DHX34: variants seen among roughly 807,000 people sequenced by gnomAD.
DHX34 encodes probable ATP-dependent RNA helicase DHX34.
A neutral mutation model predicts 111.1 loss-of-function variants in DHX34; 96 were observed. The observed-to-expected ratio is 0.86, with a 90% confidence interval of 0.73 to 1.02. DHX34 has a LOEUF of 1.02. DHX34 is among the 50% of genes least tolerant of loss of function. The pLI is 0.00. For missense variants in DHX34, 1,560 were observed against 1,579.9 expected (o/e 0.99, Z 0.21); for synonymous variants, 688 against 670.4 (o/e 1.03, Z -0.41).
intron 7 of DHX34, among the ~76,000 whole-genome samples, chr19:47,372,070 AC>A (rs1243232665): frequency 3.3e-5 from 5 of 149,860 alleles, no homozygotes; most frequent in African/African-American, 1.2e-4. Context: ...AGACTCGGCC[AC>A]CCTGGGAGAC....
chr19:47,351,322 G>A (rs900177755), intron 1 of DHX34, among the ~76,000 whole-genome samples: 5 of 151,392 alleles, frequency 3.3e-5, no homozygotes, highest in Admixed American at 1.3e-4. Flanking sequence ...GGGACTACCC[G>A]AGTAGCCAGG....
intron 9 of DHX34, among the ~76,000 whole-genome samples, chr19:47,374,032 C>G (rs1970055382): frequency 6.6e-6 from 1 of 152,186 alleles, no homozygotes; most frequent in East Asian, 1.9e-4. Context: ...ACATCTGGAG[C>G]CAGACACCTC....
rs1340622272 is a variant in DHX34 at position 47,352,680 on chromosome 19, G to GA, written c.-277-67dup. 9 of 229,476 alleles carry GA rather than the reference G, an allele frequency of 3.9e-5. No individual in the cohort carries two copies. The South Asian group carries it at 4.3e-4, about 11-fold the overall frequency. 14.2% of individuals were successfully genotyped at this position (229,476 alleles called of 1,614,324 possible). A position where few individuals can be genotyped will look rare whatever the true frequency, so the allele number is the denominator to read the frequency against. ...ACAGAGTGAGACCCTGCCTCAAAAA[G>GA]AAAAAAACAAAACAAAACCAAAAAA... On this transcript the variant is annotated intron_variant, in intron 1 of 16. Coordinates refer to ENST00000328771, the MANE Select transcript of DHX34 (RefSeq NM_014681.6).
chr19:47,375,342 G>T, intron 9 of DHX34, 124 bp from the exon 10 acceptor site: 1 of 1,425,050 alleles, frequency 7.0e-7, no homozygotes, highest in South Asian at 1.5e-5. Context: ...AGCACCATGC[G>T]AGGGGCTGTT....
intron 12 of DHX34, 53 bp downstream of exon 12, chr19:47,376,613 A>G (rs1970171248): frequency 6.5e-7 from 1 of 1,537,022 alleles, no homozygotes; most frequent in East Asian, 2.4e-5. Flanking sequence ...AGGGGCAGGG[A>G]TACCGTGAAC....
chr19:47,364,174 TA>T (rs1180854773), intron 6 of DHX34, among the ~76,000 whole-genome samples: 3 of 151,906 alleles, frequency 2.0e-5, no homozygotes, highest in African/African-American at 4.8e-5. Flanking sequence ...GGGAAGTGAG[TA>T]CAGGAGGGTT....
At chr19:47,350,786 A>G (rs1969262056) in intron 1 of DHX34, among the ~76,000 whole-genome samples, 1 of 152,044 alleles carries the variant, frequency 6.6e-6, no homozygotes, top group African/African-American at 2.4e-5. Context: ...AGAGAGATGG[A>G]GAAAGGAAGA....
chr19:47,362,831 T>C, intron 6 of DHX34, 138 bp downstream of exon 6: 1 of 828,590 alleles, frequency 1.2e-6, no homozygotes, highest in Non-Finnish European at 1.7e-6. Flanking sequence ...AGTGCAGTGC[T>C]GTGATCATGG....
At position 47,377,114 on chromosome 19, in the gene DHX34, A is replaced by G. The variant is rs750422831; in HGVS notation, c.2614A>G (p.Met872Val). The change falls in exon 13 of 17, where the codon ATG becomes GTG. Residue 872 changes from methionine to valine, a missense_variant. By Grantham distance (21) the Met-to-Val change is conservative. Transcript: ENST00000328771. Reference sequence around the variant, plus strand: ...CAACCTTTCAGACGACAAGGACAAGATGAGCAGCAAACACCAGCTCCTCAG... The same window carrying G: ...CAACCTTTCAGACGACAAGGACAAGGTGAGCAGCAAACACCAGCTCCTCAG... ...CDGSRDDKDKMSSKHQLLSFV... is the reference protein window; with the variant it reads ...CDGSRDDKDKVSSKHQLLSFV... 8 of 1,613,906 alleles carry G rather than the reference A, an allele frequency of 5.0e-6. No individual in the cohort carries two copies. Among genetic ancestry groups the G allele is most frequent in the Non-Finnish European group, 5.9e-6 (7 of 1,179,994 alleles).
At chr19:47,374,987 C>T (rs1296696870) in intron 9 of DHX34, among the ~76,000 whole-genome samples, 3 of 152,152 alleles carry the variant, frequency 2.0e-5, no homozygotes, top group South Asian at 2.1e-4. Context: ...TTATGGGTCA[C>T]AGGCAGCTGG....
At chr19:47,361,581 C>T (rs1969632593) in intron 5 of DHX34, among the ~76,000 whole-genome samples, 2 of 151,906 alleles carry the variant, frequency 1.3e-5, no homozygotes, top group South Asian at 4.1e-4. Flanking sequence ...GAGTTCAAGA[C>T]CAGCCTGGCC....
At chr19:47,376,993 A>G (rs1203706466) in intron 12 of DHX34, 107 bp from the exon 13 acceptor site, 3 of 1,578,370 alleles carry the variant, frequency 1.9e-6, no homozygotes, top group Non-Finnish European at 2.6e-6. Context: ...CCATGCCGTA[A>G]GCATACTCTT....
In DHX34 at chr19:47,351,100, G is replaced by A. The variant is rs551823591; in HGVS notation, c.-277-1654G>A. 3.3e-4 allele frequency among the ~76,000 whole-genome samples: 50 copies of A among 152,076 alleles called. No homozygotes were observed. In the South Asian group the frequency reaches 3.5e-3, roughly 11 times the overall value. ...AAAGATAGATACCTTGAGAGGAGCG[G>A]GATGCTGTCAGTGGGGCCCAGCATG... is the stretch of plus-strand genomic sequence containing the variant. On this transcript the variant is annotated intron_variant, in intron 1 of 16. Transcript: ENST00000328771.
chr19:47,373,260 T>G (rs1303308664), intron 8 of DHX34, among the ~76,000 whole-genome samples: 2 of 152,190 alleles, frequency 1.3e-5, no homozygotes, highest in East Asian at 1.9e-4. Context: ...CCCTGTAGTG[T>G]AGTGCTGGGG....
At chr19:47,363,702 C>T (rs572918796) in intron 6 of DHX34, among the ~76,000 whole-genome samples, 11 of 151,518 alleles carry the variant, frequency 7.3e-5, no homozygotes, top group South Asian at 2.1e-4. Flanking sequence ...CCTGTAAGCC[C>T]GGCTATTTGG....
At chr19:47,373,726 C>T in intron 9 of DHX34, 26 bp downstream of exon 9, 1 of 1,607,154 alleles carries the variant, frequency 6.2e-7, no homozygotes, top group South Asian at 1.1e-5. Context: ...AGGGGTAAGG[C>T]CGGCCCCACT....
At chr19:47,376,888 T>C in intron 12 of DHX34, 1 of 1,533,846 alleles carries the variant, frequency 6.5e-7, no homozygotes, top group Non-Finnish European at 8.7e-7. Flanking sequence ...CTGGCACCCG[T>C]GTGCATGGAA....
intron 13 of DHX34, 77 bp from the exon 14 acceptor site, chr19:47,379,633 C>T: frequency 1.3e-6 from 2 of 1,512,878 alleles, no homozygotes; most frequent in Non-Finnish European, 1.8e-6. Context: ...GGGCAGGAGC[C>T]CAGCCGGGCA....
At chr19:47,355,660 A>G (rs1325880267) in intron 3 of DHX34, among the ~76,000 whole-genome samples, 3 of 152,194 alleles carry the variant, frequency 2.0e-5, no homozygotes, top group South Asian at 2.1e-4. Context: ...CATCCTGGCT[A>G]ACATGGTGAA....
Sources: allele counts gnomAD v4.1 joint callset (sites outside exome capture counted in the v4.1 genomes callset), GRCh38; gene constraint gnomAD v4.1.1; transcripts MANE v1.5; gene names NCBI Gene and HGNC (gene_info 2026-07-23, HGNC 2026-07-21).